EGFR: variants seen among roughly 807,000 people sequenced by gnomAD.
EGFR encodes the protein avian erythroblastic leukemia viral (v-erb-b) oncogene homolog.
A neutral mutation model predicts 143.0 loss-of-function variants in EGFR; 58 were observed. The observed-to-expected ratio is 0.41, with a 90% CI of 0.33 to 0.50. The LOEUF is 0.50. Among genes scored for constraint, EGFR ranks in the 20% least tolerant of loss-of-function variants. The pLI is 0.39. For synonymous variants in EGFR, 613 were observed against 594.4 expected, an observed-to-expected ratio of 1.03 and a Z score of -0.45; for missense variants, 1,307 against 1,579.0, an observed-to-expected ratio of 0.83 and a Z score of 2.92.
chr7:55,054,839 G>A (rs1788701600), intron 1 of EGFR, among the ~76,000 whole-genome samples: 1 of 152,196 alleles, frequency 6.6e-6, no homozygotes, highest in Admixed American at 6.5e-5. Context: ...TCTTTCCCAT[G>A]TTTGTGGCTA....
At chr7:55,132,231 A>G (rs1793885639) in intron 1 of EGFR, among the ~76,000 whole-genome samples, 1 of 152,192 alleles carries the variant, frequency 6.6e-6, no homozygotes, top group South Asian at 2.1e-4. Flanking sequence ...GATATGCACC[A>G]CCCCACGGAA....
intron 19 of EGFR, 28 bp from the exon 20 acceptor site, chr7:55,181,265 A>C (rs1234508341): frequency 1.2e-6 from 2 of 1,613,652 alleles, no homozygotes. Context: ...ATGCGAAGCC[A>C]CACTGACGTG....
intron 1 of EGFR, among the ~76,000 whole-genome samples, chr7:55,100,818 G>A (rs562105871): frequency 1.8e-4 from 28 of 152,366 alleles, no homozygotes; most frequent in Admixed American, 8.5e-4. Flanking sequence ...GAGGGCTGGC[G>A]GGGCCCTGAA....
At chr7:55,041,617 A>G (rs1406479949) in intron 1 of EGFR, among the ~76,000 whole-genome samples, 1 of 152,214 alleles carries the variant, frequency 6.6e-6, no homozygotes, top group East Asian at 1.9e-4. Context: ...ACGAGCATCA[A>G]TGTATTTAAA....
intron 1 of EGFR, among the ~76,000 whole-genome samples, chr7:55,070,644 G>A (rs187740452): frequency 5.1e-4 from 77 of 152,340 alleles, no homozygotes; most frequent in Middle Eastern, 6.8e-3. Context: ...TGGGATGTGC[G>A]CAGGCGATTA....
chr7:55,128,963 T>C (rs546770238), intron 1 of EGFR, among the ~76,000 whole-genome samples: 2 of 152,364 alleles, frequency 1.3e-5, no homozygotes, highest in South Asian at 2.1e-4. Flanking sequence ...TGAAAACTTA[T>C]ATATGATGTT....
rs556855601 is a variant in EGFR, at chr7:55,037,189, T to C, written c.88+17824T>C. ...ATTGGTATAACTTGGCAGAATCTTA[T>C]CTGCATGTTTCATCTTGGATTTTTA... On this transcript the variant is annotated intron_variant, in intron 1 of 27. Transcript: ENST00000275493. Among the ~76,000 whole-genome samples, 51 of 152,376 alleles carry C rather than the reference T, an allele frequency of 3.3e-4. No individual in the cohort carries two copies. The South Asian group carries it at 9.9e-3, about 30-fold the overall frequency.
rs2128938667 is a variant in EGFR, at chr7:55,156,762, C to T, written c.1137C>T (p.Asp379=). 1 of 1,614,200 alleles carries T rather than the reference C, an allele frequency of 6.2e-7. No individual in the cohort carries two copies. The highest frequency in any genetic ancestry group is 8.5e-7 in the Non-Finnish European group (1 of 1,180,032). The part of the protein sequence containing the change: ...LHILPVAFRG[D]SFTHTPPLDP... ...ATCACCCTGTTGTTTGTTTCAGTGA[C>T]TCCTTCACACATACTCCTCCTCTGG... is the stretch of plus-strand genomic sequence containing the variant. Residue 379 remains aspartate (D), a synonymous_variant, in exon 10 of 28, where the codon GAC becomes GAT. Transcript: ENST00000275493.
At chr7:55,156,049 A>T in intron 8 of EGFR, 103 bp downstream of exon 8, 1 of 825,308 alleles carries the variant, frequency 1.2e-6, no homozygotes, top group Admixed American at 2.0e-5. Flanking sequence ...TCATTAAAAA[A>T]CAACTATACA....
At chr7:55,128,198 G>T (rs148567485) in intron 1 of EGFR, among the ~76,000 whole-genome samples, 2 of 152,222 alleles carry the variant, frequency 1.3e-5, no homozygotes, top group Admixed American at 1.3e-4. Flanking sequence ...ACCACCGAAC[G>T]ATGCCTGCAT....
At chr7:55,137,888 T>C (rs754085543) in intron 1 of EGFR, among the ~76,000 whole-genome samples, 4 of 152,284 alleles carry the variant, frequency 2.6e-5, no homozygotes, top group Admixed American at 6.5e-5. Context: ...TGACAGGAAT[T>C]CAGATTACTC....
At chr7:55,194,682 G>A (rs571655133) in intron 22 of EGFR, among the ~76,000 whole-genome samples, 3 of 152,106 alleles carry the variant, frequency 2.0e-5, no homozygotes, top group South Asian at 2.1e-4. Flanking sequence ...GTGTGCCAGC[G>A]CAATGCCCAC....
rs2128953479 is a variant in EGFR at position 55,173,913 on chromosome 7, C to T, written c.2062-8C>T. 2.5e-6 allele frequency: 4 copies of T among 1,614,174 alleles called. No individual in the cohort carries two copies. The highest frequency in any genetic ancestry group is 1.1e-5 in the South Asian group (1 of 91,076). ...TGACCCTTGTCTCTGTGTTCTTGTC[C>T]CCCCCAGCTTGTGGAGCCTCTTACA... On this transcript the variant is annotated splice_region_variant and splice_polypyrimidine_tract_variant and intron_variant, in intron 17 of 27. Transcript: ENST00000275493.
chr7:55,105,985 A>G (rs1188028556), intron 1 of EGFR, among the ~76,000 whole-genome samples: 1 of 152,230 alleles, frequency 6.6e-6, no homozygotes, highest in Non-Finnish European at 1.5e-5. Context: ...GGGCTGACAC[A>G]CATAGATTTC....
chr7:55,081,354 A>T (rs951166864), intron 1 of EGFR, among the ~76,000 whole-genome samples: 2 of 152,140 alleles, frequency 1.3e-5, no homozygotes. Flanking sequence ...GAGCAGGGTA[A>T]CTGCATCTTT....
chr7:55,141,302 G>A (rs534928767), intron 1 of EGFR, among the ~76,000 whole-genome samples: 1 of 152,280 alleles, frequency 6.6e-6, no homozygotes, highest in Admixed American at 6.5e-5. Flanking sequence ...AACTAGTTCT[G>A]TAAATACAAC....
intron 27 of EGFR, among the ~76,000 whole-genome samples, chr7:55,204,298 A>T (rs1441687246): frequency 3.4e-5 from 5 of 147,764 alleles, no homozygotes; most frequent in Non-Finnish European, 6.0e-5. Flanking sequence ...CACACACCAC[A>T]CATGTACACA....
At chr7:55,089,513 A>G (rs570399826) in intron 1 of EGFR, among the ~76,000 whole-genome samples, 109 of 152,366 alleles carry the variant, frequency 7.2e-4, no homozygotes, top group African/African-American at 2.5e-3. Context: ...TTTTAAGGCC[A>G]GTCATGTCTC....
In EGFR at chr7:55,211,042, A is replaced by C. The variant is rs778202053; in HGVS notation, c.*5425A>C. 6.6e-6 allele frequency: 1 copy of C among 152,222 alleles called. No homozygotes were observed. The highest frequency in any genetic ancestry group is 1.5e-5 in the Non-Finnish European group (1 of 68,038). The allele number at this position is 152,222 out of a possible 1,614,324, so 9.4% of individuals were successfully genotyped here. A position where few individuals can be genotyped will look rare whatever the true frequency, so the allele number is the denominator to read the frequency against. ...CTCACAAATTATACCTGGGATAAAA[A>C]CTATGTAGCAGGCAGTGTGTTTTCC... On this transcript the variant is annotated 3_prime_UTR_variant, in exon 28 of 28. Coordinates refer to ENST00000275493, the MANE Select transcript of EGFR (RefSeq NM_005228.5).
Sources: allele counts gnomAD v4.1 joint callset (sites outside exome capture counted in the v4.1 genomes callset), GRCh38; gene constraint gnomAD v4.1.1; transcripts MANE v1.5; gene names NCBI Gene and HGNC (gene_info 2026-07-23, HGNC 2026-07-21).